The following ENAH variants were observed in gnomAD, a reference collection of about 807,000 sequenced individuals.
ENAH encodes the protein ENAH actin regulator.
A neutral mutation model predicts 78.7 loss-of-function variants in ENAH; 23 were observed. The ratio of observed to expected loss-of-function variants is 0.29; its 90% CI spans 0.21 to 0.41. The LOEUF (loss-of-function observed/expected upper bound fraction) is 0.41. Among genes scored for constraint, ENAH ranks in the 10% least tolerant of loss-of-function variants. The pLI is 1.00. For missense variants in ENAH, 544 were observed against 691.0 expected (o/e 0.79, Z 2.39); for synonymous variants, 226 against 241.0 (o/e 0.94, Z 0.58).
intron 1 of ENAH, among the ~76,000 whole-genome samples, chr1:225,623,084 T>C (rs1180572352): frequency 6.6e-6 from 1 of 152,204 alleles, no homozygotes; most frequent in Non-Finnish European, 1.5e-5. Context: ...TTCTGGATTA[T>C]GCTAAAATGC....
intron 1 of ENAH, among the ~76,000 whole-genome samples, chr1:225,602,908 A>C (rs1490737487): frequency 6.6e-6 from 1 of 152,138 alleles, no homozygotes; most frequent in Admixed American, 6.5e-5. Flanking sequence ...TGATTCTTTA[A>C]AGAATTCAAT....
intron 1 of ENAH, among the ~76,000 whole-genome samples, chr1:225,636,474 C>A (rs1660079878): frequency 6.6e-6 from 1 of 152,118 alleles, no homozygotes; most frequent in Admixed American, 6.6e-5. Context: ...TTGTCACTTA[C>A]CAAAACATCC....
At chr1:225,617,766 C>T (rs369674706) in intron 1 of ENAH, among the ~76,000 whole-genome samples, 28 of 152,132 alleles carry the variant, frequency 1.8e-4, no homozygotes, top group African/African-American at 4.6e-4. Context: ...TACATTCCAA[C>T]ACACAATATG....
chr1:225,518,337 A>G (rs1234965369), intron 5 of ENAH, among the ~76,000 whole-genome samples: 2 of 151,994 alleles, frequency 1.3e-5, no homozygotes, highest in African/African-American at 4.8e-5. Flanking sequence ...GAATAGGACC[A>G]TAAACAGAAG....
intron 2 of ENAH, among the ~76,000 whole-genome samples, chr1:225,566,996 G>T (rs566483885): frequency 6.5e-4 from 99 of 152,268 alleles, no homozygotes; most frequent in South Asian, 1.7e-3. Flanking sequence ...AAAACTAATT[G>T]AAGGCCAGAA....
intron 1 of ENAH, among the ~76,000 whole-genome samples, chr1:225,593,029 A>G (rs2096884278): frequency 6.6e-6 from 1 of 152,156 alleles, no homozygotes; most frequent in African/African-American, 2.4e-5. Flanking sequence ...CAAATTTGCT[A>G]TATCAAACGA....
At chr1:225,588,939 G>A (rs186377125) in intron 1 of ENAH, among the ~76,000 whole-genome samples, 37 of 151,836 alleles carry the variant, frequency 2.4e-4, no homozygotes, top group Admixed American at 2.0e-3. Flanking sequence ...CCATCGACAA[G>A]ACGATGAATA....
chr1:225,519,702 T>A, intron 4 of ENAH, 137 bp from the exon 5 acceptor site: 5 of 1,289,196 alleles, frequency 3.9e-6, no homozygotes, highest in Non-Finnish European at 5.3e-6. Context: ...TCCTCCCACA[T>A]GAAGGCTACC....
chr1:225,493,690 T>G lies in ENAH; in HGVS notation c.*4085A>C. On this transcript the variant is annotated 3_prime_UTR_variant, in exon 14 of 14. Transcript: ENST00000366843. ...ATTTTATGATAGCTACATAAAGGAA[T>G]TAAGAGCTCCTGCAGAGTTCCTTTG... 6.6e-6 allele frequency: 1 copy of G among 152,186 alleles called. No individual in the cohort carries two copies. The highest frequency in any genetic ancestry group is 1.9e-4 in the East Asian group (1 of 5,196). The allele number at this position is 152,186 out of a possible 1,614,324, so 9.4% of individuals were successfully genotyped here.
chr1:225,582,163 C>CCT (rs936304220), intron 1 of ENAH, among the ~76,000 whole-genome samples: 2 of 151,364 alleles, frequency 1.3e-5, no homozygotes, highest in Non-Finnish European at 3.0e-5. Flanking sequence ...GTCTTCCCCC[C>CCT]CTCTCTCTCT....
At chr1:225,625,416 G>T (rs773839041) in intron 1 of ENAH, among the ~76,000 whole-genome samples, 2 of 152,072 alleles carry the variant, frequency 1.3e-5, no homozygotes, top group African/African-American at 2.4e-5. Context: ...TTGAACTCCT[G>T]CCTTTTCTTC....
intron 1 of ENAH, among the ~76,000 whole-genome samples, chr1:225,603,660 T>G (rs1453772230): frequency 6.6e-6 from 1 of 152,138 alleles, no homozygotes; most frequent in Non-Finnish European, 1.5e-5. Context: ...GCTACCCAAG[T>G]GCTATGAGTC....
chr1:225,638,888 GT>G (rs1660531529), intron 1 of ENAH, among the ~76,000 whole-genome samples: 2 of 152,318 alleles, frequency 1.3e-5, no homozygotes, highest in South Asian at 4.1e-4. Flanking sequence ...AGACACAGAA[GT>G]TGCCAGGGAA....
chr1:225,578,825 C>A (rs548608147), intron 1 of ENAH, among the ~76,000 whole-genome samples: 2 of 152,246 alleles, frequency 1.3e-5, no homozygotes, highest in African/African-American at 4.8e-5. Context: ...AGACTAACAG[C>A]TCCCCAGTTA....
chr1:225,563,404 G>GT (rs935646508), intron 2 of ENAH, among the ~76,000 whole-genome samples: 5 of 152,116 alleles, frequency 3.3e-5, no homozygotes, highest in Non-Finnish European at 5.9e-5. Context: ...GTACAATCCT[G>GT]TAAGATACCT....
chr1:225,627,812 C>G (rs1658226502), intron 1 of ENAH, among the ~76,000 whole-genome samples: 6 of 152,170 alleles, frequency 3.9e-5, no homozygotes, highest in Admixed American at 3.9e-4. Context: ...CCAGACACAC[C>G]AAGCCCAGTG....
chr1:225,583,917 C>G (rs1220178231), intron 1 of ENAH, among the ~76,000 whole-genome samples: 1 of 152,082 alleles, frequency 6.6e-6, no homozygotes. Context: ...CTTTGGGAGG[C>G]CAAGGCAGGC....
chr1:225,514,949 A>G (rs761267227), intron 6 of ENAH, 49 bp from the exon 7 acceptor site: 1 of 1,462,958 alleles, frequency 6.8e-7, no homozygotes, highest in African/African-American at 1.4e-5. Context: ...GAGCTGAGTG[A>G]TATTATTTTA....
At chr1:225,576,682 A>G (rs1241686830) in intron 1 of ENAH, among the ~76,000 whole-genome samples, 1 of 152,212 alleles carries the variant, frequency 6.6e-6, no homozygotes, top group African/African-American at 2.4e-5. Flanking sequence ...TAGAGTATTT[A>G]AAGAGTGAGA....
Sources: allele counts gnomAD v4.1 joint callset (sites outside exome capture counted in the v4.1 genomes callset), GRCh38; gene constraint gnomAD v4.1.1; transcripts MANE v1.5; gene names NCBI Gene and HGNC (gene_info 2026-07-23, HGNC 2026-07-21).